DENND1B: variants seen among roughly 807,000 people sequenced by gnomAD.
The protein encoded by DENND1B is DENN domain-containing protein 1B.
Under a neutral mutation model 90.1 loss-of-function variants are expected in DENND1B, and 59 were observed. The ratio of observed to expected loss-of-function variants is 0.65; its 90% confidence interval spans 0.53 to 0.81. The LOEUF (loss-of-function observed/expected upper bound fraction) is 0.81, where lower values mean the gene tolerates loss of function less well. DENND1B is among the 40% of genes least tolerant of loss of function. The pLI, the probability that DENND1B is intolerant of heterozygous loss-of-function variation, is 0.00. For synonymous variants in DENND1B, 337 were observed against 324.6 expected (o/e 1.04, Z -0.41); for missense variants, 862 against 912.6 (o/e 0.94, Z 0.71).
At chr1:197,650,041 A>G (rs1652943955) in intron 7 of DENND1B, among the ~76,000 whole-genome samples, 1 of 152,186 alleles carries the variant, frequency 6.6e-6, no homozygotes, top group Admixed American at 6.5e-5. Context: ...AAGTGAGCTA[A>G]GGACATGAAT....
At position 197,511,708 on chromosome 1, in the gene DENND1B, G is replaced by GT. The variant is rs761671094; in HGVS notation, c.1815+19dup. 4 of 1,549,218 alleles carry GT rather than the reference G, an allele frequency of 2.6e-6. No homozygotes were observed. The highest frequency in any genetic ancestry group is 4.5e-5 in the East Asian group (2 of 44,046). On this transcript the variant is annotated intron_variant, in intron 22 of 22. Coordinates refer to ENST00000620048, the MANE Select transcript of DENND1B (RefSeq NM_001195215.2). ...AGAATATTTTCTTCTAATTTTATAA[G>GT]TAAAAAAAAATCTACTAACCGTAGG...
chr1:197,765,400 G>A (rs199714655), intron 2 of DENND1B, among the ~76,000 whole-genome samples: 4 of 152,122 alleles, frequency 2.6e-5, no homozygotes, highest in South Asian at 2.1e-4. Flanking sequence ...GGCCATCTGC[G>A]TAAAGCACTC....
rs1332838229 is a variant in DENND1B at position 197,553,807 on chromosome 1, G to C, written c.1150-695C>G. ...TGATTATTAAGTTAAATACAGTTGAGGTAAATGCATACTGACTTGATATGC... is the reference window on the plus strand; with the variant it reads ...TGATTATTAAGTTAAATACAGTTGACGTAAATGCATACTGACTTGATATGC... On this transcript the variant is annotated intron_variant, in intron 15 of 22. Transcript: ENST00000620048. Among the ~76,000 whole-genome samples, 7 of 151,980 alleles carry C rather than the reference G, an allele frequency of 4.6e-5. No individual in the cohort carries two copies. In the East Asian group the frequency reaches 7.7e-4, roughly 17 times the overall value.
rs1667758921 is a variant in DENND1B at position 197,506,980 on chromosome 1, T to C, written c.*3480A>G. The C allele has an allele frequency of 6.6e-6, 1 of 151,256 alleles. No individual in the cohort carries two copies. Among genetic ancestry groups the C allele is most frequent in the Non-Finnish European group, 1.5e-5 (1 of 67,486 alleles). 9.4% of individuals were successfully genotyped at this position (151,256 alleles called of 1,614,324 possible). On this transcript the variant is annotated 3_prime_UTR_variant, in exon 23 of 23. Coordinates refer to ENST00000620048, the MANE Select transcript of DENND1B (RefSeq NM_001195215.2). ...TAAATCTGCCCCTTAAATGTGGGTATCTTAGCAGCATAATATACTTAGCAT... is the reference window on the plus strand; with the variant it reads ...TAAATCTGCCCCTTAAATGTGGGTACCTTAGCAGCATAATATACTTAGCAT...
intron 14 of DENND1B, among the ~76,000 whole-genome samples, chr1:197,590,452 A>C (rs1009198081): frequency 1.4e-5 from 2 of 148,086 alleles, no homozygotes; most frequent in African/African-American, 5.3e-5. Context: ...GCTAAAATCC[A>C]AAAAAAAGAG....
At chr1:197,575,104 T>C (rs963710129) in intron 15 of DENND1B, among the ~76,000 whole-genome samples, 24 of 152,110 alleles carry the variant, frequency 1.6e-4, no homozygotes, top group African/African-American at 5.8e-4. Context: ...CTAATTCAAC[T>C]ACACAGCTTC....
intron 1 of DENND1B, chr1:197,774,742 ACTCCCTCCC>A: frequency 6.2e-6 from 1 of 161,760 alleles, no homozygotes; most frequent in Admixed American, 6.4e-5. Context: ...CTCAACGCTG[ACTCCCTCCC>A]GGACACCACA....
At chr1:197,541,374 T>A (rs1020112846) in intron 18 of DENND1B, among the ~76,000 whole-genome samples, 2 of 152,186 alleles carry the variant, frequency 1.3e-5, no homozygotes, top group African/African-American at 2.4e-5. Flanking sequence ...AGCAAATTAT[T>A]TGGGTAGATG....
intron 3 of DENND1B, among the ~76,000 whole-genome samples, chr1:197,704,579 C>A (rs905629744): frequency 1.3e-5 from 2 of 152,086 alleles, no homozygotes; most frequent in Non-Finnish European, 2.9e-5. Flanking sequence ...AATATATAAT[C>A]AAAGCTCCTG....
At chr1:197,512,814 AAAAACTTCTGCTGTT>A in intron 21 of DENND1B, 42 bp downstream of exon 21, 1 of 1,530,672 alleles carries the variant, frequency 6.5e-7, no homozygotes, top group Non-Finnish European at 9.0e-7. Context: ...CTTTATCACC[AAAAACTTCTGCTGTT>A]AAGCCATTCC....
chr1:197,578,708 A>C (rs967695268), intron 15 of DENND1B, among the ~76,000 whole-genome samples: 3 of 152,224 alleles, frequency 2.0e-5, no homozygotes, highest in African/African-American at 7.2e-5. Context: ...TTAAAAAATA[A>C]AATACAACAA....
chr1:197,505,280 G>A lies in DENND1B; in HGVS notation c.*5180C>T, dbSNP rs1667678003. On this transcript the variant is annotated 3_prime_UTR_variant, in exon 23 of 23. Transcript: ENST00000620048. ...TGTCAGAAGGATGGTGACTTGACAT[G>A]TGATGCACTAAACATGCAGGTTTTA... 1 of 151,652 alleles carries A rather than the reference G, an allele frequency of 6.6e-6. No individual in the cohort carries two copies. Among genetic ancestry groups the A allele is most frequent in the African/African-American group, 2.4e-5 (1 of 41,372 alleles). The allele number at this position is 151,652 out of a possible 1,614,324, so 9.4% of individuals were successfully genotyped here.
chr1:197,779,968 A>G (rs1191259587), upstream of DENND1B, among the ~76,000 whole-genome samples: 1 of 152,178 alleles, frequency 6.6e-6, no homozygotes, highest in African/African-American at 2.4e-5. Context: ...GACAGCTGAA[A>G]TGAAAATGAG....
In DENND1B at chr1:197,658,365, G is replaced by C; in HGVS notation, c.301C>G (p.Leu101Val). 1 of 1,586,250 alleles carries C rather than the reference G, an allele frequency of 6.3e-7. No homozygotes were observed. Among genetic ancestry groups the C allele is most frequent in the Non-Finnish European group, 8.6e-7 (1 of 1,160,982 alleles). ...TTGTAATACACTTCAAACCAGGGAAGGTAACTGTAAAATAATTATTTTAAA... is the reference window on the plus strand; with the variant it reads ...TTGTAATACACTTCAAACCAGGGAACGTAACTGTAAAATAATTATTTTAAA... ...GTICLCILSY[L>V]PWFEVYYKLL... is the part of the protein sequence containing the mutation. Residue 101 changes from leucine to valine, a missense_variant, in exon 6 of 23, where the codon CTT becomes GTT. Leu to Val is a conservative substitution (Grantham distance 32). Coordinates refer to ENST00000620048, the MANE Select transcript of DENND1B (RefSeq NM_001195215.2).
chr1:197,756,575 C>CAAAAAAAAAA (rs57605617), intron 2 of DENND1B, among the ~76,000 whole-genome samples: 1 of 53,966 alleles, frequency 1.9e-5, no homozygotes, highest in African/African-American at 7.9e-5. Flanking sequence ...GTCTCCATCT[C>CAAAAAAAAAA]AAAAAAAAAA....
chr1:197,767,209 G>A (rs1035493114), intron 2 of DENND1B, among the ~76,000 whole-genome samples: 1 of 151,824 alleles, frequency 6.6e-6, no homozygotes, highest in Non-Finnish European at 1.5e-5. Context: ...CTCAAGCAGG[G>A]CAAACATACA....
At chr1:197,717,488 T>C (rs916502847) in intron 2 of DENND1B, among the ~76,000 whole-genome samples, 1 of 151,926 alleles carries the variant, frequency 6.6e-6, no homozygotes, top group African/African-American at 2.4e-5. Context: ...GCCAACATTC[T>C]AGAAACCAAA....
intron 2 of DENND1B, among the ~76,000 whole-genome samples, chr1:197,729,764 A>C (rs997967498): frequency 1.3e-5 from 2 of 152,134 alleles, no homozygotes; most frequent in African/African-American, 4.8e-5. Flanking sequence ...CTCAAATATC[A>C]CTGAGGTCGT....
At chr1:197,750,500 A>C (rs535243424) in intron 2 of DENND1B, among the ~76,000 whole-genome samples, 39 of 152,278 alleles carry the variant, frequency 2.6e-4, no homozygotes, top group Admixed American at 9.8e-4. Context: ...ATCAATAATT[A>C]CACTGAATAC....
Sources: gnomAD v4.1 joint callset for allele counts (sites outside exome capture counted in the v4.1 genomes callset) on GRCh38, gnomAD v4.1.1 for gene constraint, MANE v1.5 for transcripts, NCBI Gene and HGNC (gene_info 2026-07-23, HGNC 2026-07-21) for gene names.